Variants in ATRNL1 observed in about 807,000 individuals in gnomAD.
The protein encoded by ATRNL1 is attractin-like protein 1.
In ATRNL1, 95 loss-of-function variants were observed where a neutral mutation model predicts 182.7. The observed-to-expected ratio is 0.52, with a 90% CI of 0.44 to 0.62. ATRNL1 has a LOEUF of 0.62. Ranked by LOEUF, ATRNL1 falls within the 20% of genes least tolerant of loss-of-function variation. The pLI, the probability that ATRNL1 is intolerant of heterozygous loss-of-function variation, is 0.00. For missense variants in ATRNL1, 1,471 were observed against 1,679.5 expected, an observed-to-expected ratio of 0.88 and a Z score of 2.17; for synonymous variants, 576 against 568.3, an observed-to-expected ratio of 1.01 and a Z score of -0.19.
At chr10:115,515,929 C>A (rs1850615467) in intron 24 of ATRNL1, among the ~76,000 whole-genome samples, 1 of 151,804 alleles carries the variant, frequency 6.6e-6, no homozygotes, top group Admixed American at 6.6e-5. Flanking sequence ...TTCCTCCCAC[C>A]TACCTTTCCA....
intron 19 of ATRNL1, among the ~76,000 whole-genome samples, chr10:115,337,020 AT>A (rs540264455): frequency 0.027 from 3,672 of 138,204 alleles, 46 homozygotes; most frequent in Non-Finnish European, 0.038. Flanking sequence ...TGCCTAGCTA[AT>A]TTTTTTTTTT....
At chr10:115,181,772 T>G (rs1847755556) in intron 8 of ATRNL1, among the ~76,000 whole-genome samples, 1 of 151,758 alleles carries the variant, frequency 6.6e-6, no homozygotes, top group African/African-American at 2.4e-5. Flanking sequence ...TTTTATTACC[T>G]TTAAAGAAGG....
At chr10:115,312,340 A>G (rs565206718) in intron 17 of ATRNL1, among the ~76,000 whole-genome samples, 1 of 152,220 alleles carries the variant, frequency 6.6e-6, no homozygotes, top group African/African-American at 2.4e-5. Context: ...TCTGAAAAGG[A>G]CTTTATTTCT....
At chr10:115,579,381 T>C (rs1304697471) in intron 26 of ATRNL1, among the ~76,000 whole-genome samples, 1 of 151,840 alleles carries the variant, frequency 6.6e-6, no homozygotes, top group East Asian at 1.9e-4. Context: ...AAGATGCATA[T>C]ATATGTATAA....
At chr10:115,902,385 A>G (rs1390684460) in intron 28 of ATRNL1, among the ~76,000 whole-genome samples, 1 of 152,130 alleles carries the variant, frequency 6.6e-6, no homozygotes. Context: ...TAAAAGCCGC[A>G]TAGTGTGGAT....
rs71010006 is a variant in ATRNL1 at position 115,098,453 on chromosome 10, CTTTTTTTTTTTTTT to C, written c.293+4423_293+4436del. On this transcript the variant is annotated intron_variant, in intron 1 of 28. Transcript: ENST00000355044. ...CTAATCTTAGCTTAAATACTAGTTT[CTTTTTTTTTTTTTT>C]TTTTTTTTTTTTGAGACCGAGTCTG... Among the ~76,000 whole-genome samples the C allele has an allele frequency of 1.5e-3, 119 of 80,748 alleles. 1 individual carries two copies. Among genetic ancestry groups the C allele is most frequent in the African/African-American group, 6.8e-3 (109 of 16,040 alleles). 53.0% of individuals were successfully genotyped at this position (80,748 alleles called of 152,430 possible).
chr10:115,768,803 A>AAT (rs1948919384), intron 27 of ATRNL1, among the ~76,000 whole-genome samples: 1 of 152,106 alleles, frequency 6.6e-6, no homozygotes, highest in African/African-American at 2.4e-5. Context: ...CTATTCTATT[A>AAT]AATTTAGACT....
chr10:115,322,984 A>T (rs76293861), intron 18 of ATRNL1, among the ~76,000 whole-genome samples: 1 of 151,950 alleles, frequency 6.6e-6, no homozygotes, highest in Admixed American at 6.6e-5. Context: ...TGTCCTATTT[A>T]GAGTTTTTTA....
intron 8 of ATRNL1, among the ~76,000 whole-genome samples, chr10:115,173,873 G>A (rs560502165): frequency 4.1e-4 from 62 of 150,908 alleles, no homozygotes; most frequent in Middle Eastern, 3.4e-3. Context: ...TCTTGCATAC[G>A]AGAGAGTTGA....
intron 24 of ATRNL1, among the ~76,000 whole-genome samples, chr10:115,479,805 T>C (rs1848683918): frequency 6.6e-6 from 1 of 151,376 alleles, no homozygotes; most frequent in South Asian, 2.1e-4. Flanking sequence ...TAGAAAAAAG[T>C]ACTACTGTAG....
At chr10:115,633,877 A>G (rs1453842594) in intron 26 of ATRNL1, among the ~76,000 whole-genome samples, 1 of 152,154 alleles carries the variant, frequency 6.6e-6, no homozygotes, top group African/African-American at 2.4e-5. Context: ...TGATAGACAT[A>G]TTAGCATGGC....
At chr10:115,462,070 A>G in intron 22 of ATRNL1, 35 bp downstream of exon 22, 3 of 1,460,092 alleles carry the variant, frequency 2.1e-6, no homozygotes, top group Non-Finnish European at 2.8e-6. Context: ...AAGTATAATT[A>G]TTGGACACAA....
intron 26 of ATRNL1, among the ~76,000 whole-genome samples, chr10:115,710,316 T>G (rs1042797026): frequency 6.6e-6 from 1 of 152,112 alleles, no homozygotes; most frequent in African/African-American, 2.4e-5. Flanking sequence ...AAGGGGTACA[T>G]GAATCAGATT....
chr10:115,706,741 A>T (rs1946911739), intron 26 of ATRNL1, among the ~76,000 whole-genome samples: 1 of 151,940 alleles, frequency 6.6e-6, no homozygotes, highest in Non-Finnish European at 1.5e-5. Flanking sequence ...GAGTAGTTAA[A>T]TATGCCAATT....
At chr10:115,813,501 A>G in intron 27 of ATRNL1, among the ~76,000 whole-genome samples, 1 of 152,220 alleles carries the variant, frequency 6.6e-6, no homozygotes, top group East Asian at 1.9e-4. Context: ...GCCTGATTAT[A>G]TCACTGAAAG....
intron 27 of ATRNL1, among the ~76,000 whole-genome samples, chr10:115,785,386 C>T (rs1470902872): frequency 1.3e-5 from 2 of 152,160 alleles, no homozygotes; most frequent in African/African-American, 2.4e-5. Context: ...CCTCTTCATC[C>T]GTGGCTCCAC....
At position 115,394,754 on chromosome 10, in the gene ATRNL1, T is replaced by G; in HGVS notation, c.3269+2T>G. The G allele has an allele frequency of 6.3e-7, 1 of 1,581,836 alleles. No homozygotes were observed. ...AATAAAAGGTGACCAATGCCAATTG[T>G]AAGTAAGAATGACTTTTTAGAACTT... On this transcript the variant is annotated splice_donor_variant, in intron 20 of 28. Transcript: ENST00000355044. LOFTEE classifies it high-confidence loss of function.
intron 9 of ATRNL1, among the ~76,000 whole-genome samples, chr10:115,219,502 T>C (rs1042173260): frequency 1.3e-5 from 2 of 152,190 alleles, no homozygotes; most frequent in Admixed American, 6.5e-5. Flanking sequence ...TGGCAGATAC[T>C]CCATTTGTGC....
chr10:115,364,730 G>A (rs1856935362), intron 19 of ATRNL1, among the ~76,000 whole-genome samples: 1 of 151,878 alleles, frequency 6.6e-6, no homozygotes, highest in African/African-American at 2.4e-5. Flanking sequence ...TTATCATGAA[G>A]GGTTGTTGAA....
Sources: gnomAD v4.1 joint callset for allele counts (sites outside exome capture counted in the v4.1 genomes callset) on GRCh38, gnomAD v4.1.1 for gene constraint, MANE v1.5 for transcripts, NCBI Gene and HGNC (gene_info 2026-07-23, HGNC 2026-07-21) for gene names.